The following OXR1 variants were observed in gnomAD, a reference collection of about 807,000 sequenced individuals.
OXR1 encodes the protein oxidation resistance protein 1.
OXR1 carries 41 observed loss-of-function variants against 104.6 expected under a neutral mutation model. The observed-to-expected ratio is 0.39, with a 90% confidence interval of 0.31 to 0.51. OXR1 has a LOEUF of 0.51. Ranked by LOEUF, OXR1 falls within the 20% of genes least tolerant of loss-of-function variation. OXR1 has a pLI of 0.77. For synonymous variants in OXR1, 348 were observed against 348.4 expected (o/e 1.00, Z 0.01); for missense variants, 955 against 1,031.9 (o/e 0.93, Z 1.02).
rs552516679 is a variant in OXR1 at position 106,444,412 on chromosome 8, C to T, written c.24-74531C>T. ...CACATGTTTATTGCAGCACTATTTA[C>T]AATATCAAAGACATGGAACCAACCC... On this transcript the variant is annotated intron_variant, in intron 2 of 16. Transcript: ENST00000517566. Among the ~76,000 whole-genome samples the T allele has an allele frequency of 7.9e-5, 12 of 152,188 alleles. No individual in the cohort carries two copies. In the South Asian group the frequency reaches 2.5e-3, roughly 32 times the overall value.
At chr8:106,460,761 T>C (rs1377150561) in intron 2 of OXR1, among the ~76,000 whole-genome samples, 2 of 152,178 alleles carry the variant, frequency 1.3e-5, no homozygotes, top group African/African-American at 2.4e-5. Flanking sequence ...GTACTGAGAA[T>C]GTACTAGCCA....
chr8:106,691,496 T>C (rs1408502458), intron 6 of OXR1, among the ~76,000 whole-genome samples: 1 of 151,810 alleles, frequency 6.6e-6, no homozygotes, highest in African/African-American at 2.4e-5. Flanking sequence ...AGAATTACAT[T>C]GACAAATTGG....
chr8:106,312,955 T>C (rs16874362), intron 1 of OXR1, among the ~76,000 whole-genome samples: 3,521 of 152,270 alleles, frequency 0.023, 51 homozygotes, highest in South Asian at 0.097. Context: ...GCTAATGTTT[T>C]GAACCACATA....
At chr8:106,587,371 A>G (rs1376641874) in intron 3 of OXR1, among the ~76,000 whole-genome samples, 2 of 152,176 alleles carry the variant, frequency 1.3e-5, no homozygotes, top group Non-Finnish European at 2.9e-5. Context: ...ATGGCGTGAA[A>G]TTATCCTCTA....
At chr8:106,522,224 G>A (rs1813314507) in intron 3 of OXR1, among the ~76,000 whole-genome samples, 1 of 152,098 alleles carries the variant, frequency 6.6e-6, no homozygotes, top group South Asian at 2.1e-4. Flanking sequence ...GAGGGGATTG[G>A]TTCCAGAACC....
chr8:106,469,704 G>A (rs1321741197), intron 2 of OXR1, among the ~76,000 whole-genome samples: 1 of 151,758 alleles, frequency 6.6e-6, no homozygotes, highest in East Asian at 1.9e-4. Context: ...GGTCTCCCTT[G>A]GTGTTCCCAC....
chr8:106,523,855 A>G (rs139338001), intron 3 of OXR1, among the ~76,000 whole-genome samples: 13,966 of 151,842 alleles, frequency 0.092, 742 homozygotes, highest in Non-Finnish European at 0.11. Context: ...GCTCACTGCA[A>G]GCTCTACCTC....
intron 3 of OXR1, among the ~76,000 whole-genome samples, chr8:106,615,970 G>A (rs373448925): frequency 6.6e-6 from 1 of 151,346 alleles, no homozygotes; most frequent in South Asian, 2.1e-4. Flanking sequence ...TCCAGGACTG[G>A]AATAAGCCAT....
At position 106,488,041 on chromosome 8, in the gene OXR1, A is replaced by T. The variant is rs1324375174; in HGVS notation, c.24-30902A>T. On this transcript the variant is annotated intron_variant, in intron 2 of 16. Transcript: ENST00000517566. ...TGAACTAGTTTACAGTCCCACCAAC[A>T]GTGTAAAAGTTTTCCTATTTCTCCA... Among the ~76,000 whole-genome samples the T allele has an allele frequency of 2.9e-4, 42 of 147,036 alleles. 1 individual carries two copies. The highest frequency in any genetic ancestry group is 1.7e-4 in the Non-Finnish European group (11 of 66,540).
At chr8:106,723,912 CCTCAGTAGATGGGA>C (rs1039103912) in intron 11 of OXR1, among the ~76,000 whole-genome samples, 2 of 151,914 alleles carry the variant, frequency 1.3e-5, no homozygotes, top group Non-Finnish European at 2.9e-5. Context: ...GCCTCATCCT[CCTCAGTAGATGGGA>C]CTACAGGTAT....
At chr8:106,333,928 T>C (rs923950142) in intron 1 of OXR1, among the ~76,000 whole-genome samples, 2 of 152,134 alleles carry the variant, frequency 1.3e-5, no homozygotes, top group Non-Finnish European at 2.9e-5. Context: ...TTCAGGATTG[T>C]TTTGGCTTTG....
chr8:106,282,702 C>G (rs1563693114), intron 1 of OXR1, among the ~76,000 whole-genome samples: 1 of 152,122 alleles, frequency 6.6e-6, no homozygotes, highest in Non-Finnish European at 1.5e-5. Flanking sequence ...TATCCTTATC[C>G]TCTTCACACA....
At chr8:106,551,924 T>C (rs1815870454) in intron 3 of OXR1, among the ~76,000 whole-genome samples, 2 of 141,436 alleles carry the variant, frequency 1.4e-5, no homozygotes, top group South Asian at 2.4e-4. Context: ...ATAGCGGCCA[T>C]GGTGGTGCGC....
At chr8:106,372,757 CAAAT>C (rs1816761708) in intron 2 of OXR1, among the ~76,000 whole-genome samples, 1 of 152,122 alleles carries the variant, frequency 6.6e-6, no homozygotes, top group Non-Finnish European at 1.5e-5. Context: ...ATCATAAATG[CAAAT>C]ATTCCAAAAT....
chr8:106,505,613 G>T (rs1812108518), intron 2 of OXR1, among the ~76,000 whole-genome samples: 1 of 152,216 alleles, frequency 6.6e-6, no homozygotes, highest in African/African-American at 2.4e-5. Context: ...ACTTAAAATT[G>T]TAGGGATGGT....
intron 3 of OXR1, among the ~76,000 whole-genome samples, chr8:106,528,373 T>C (rs535503346): frequency 6.6e-6 from 1 of 152,364 alleles, no homozygotes; most frequent in East Asian, 1.9e-4. Flanking sequence ...GCAATGATCC[T>C]GTCTTTTGCC....
chr8:106,745,975 G>C (rs768064013), intron 16 of OXR1, 113 bp downstream of exon 16: 1 of 612,800 alleles, frequency 1.6e-6, no homozygotes, highest in Non-Finnish European at 2.9e-6. Context: ...ATTCAAATTT[G>C]TATATTATGA....
At chr8:106,708,819 C>G (rs1033428541) in intron 9 of OXR1, among the ~76,000 whole-genome samples, 9 of 151,954 alleles carry the variant, frequency 5.9e-5, no homozygotes, top group Admixed American at 5.3e-4. Context: ...TGTGGTAACT[C>G]TATGTTTAAT....
chr8:106,293,771 A>G (rs186999636), intron 1 of OXR1, among the ~76,000 whole-genome samples: 1 of 152,264 alleles, frequency 6.6e-6, no homozygotes, highest in Admixed American at 6.5e-5. Context: ...CAAAAGACAG[A>G]ACCCATTCCT....
Sources: allele counts gnomAD v4.1 joint callset (sites outside exome capture counted in the v4.1 genomes callset), GRCh38; gene constraint gnomAD v4.1.1; transcripts MANE v1.5; gene names NCBI Gene and HGNC (gene_info 2026-07-23, HGNC 2026-07-21).